SPIDR: variants seen among roughly 807,000 people sequenced by gnomAD.
The protein encoded by SPIDR is DNA repair-scaffolding protein.
Under a neutral mutation model 104.6 loss-of-function variants are expected in SPIDR, and 93 were observed. That is an observed-to-expected ratio of 0.89 (90% CI 0.75 to 1.06). SPIDR has a LOEUF of 1.06. SPIDR is among the 50% of genes least tolerant of loss of function. The pLI is 0.00. For synonymous variants in SPIDR, 431 were observed against 416.9 expected, an observed-to-expected ratio of 1.03 and a Z score of -0.41; for missense variants, 1,154 against 1,111.2, an observed-to-expected ratio of 1.04 and a Z score of -0.55.
chr8:47,260,908 TGG>T (rs1204937260), upstream of SPIDR: 5 of 1,210,534 alleles, frequency 4.1e-6, no homozygotes, highest in African/African-American at 3.2e-5. Flanking sequence ...CGCGCCGAGG[TGG>T]GACGGCGGCG....
At chr8:47,644,980 C>G (rs2070025035) in intron 10 of SPIDR, among the ~76,000 whole-genome samples, 1 of 152,164 alleles carries the variant, frequency 6.6e-6, no homozygotes, top group Admixed American at 6.5e-5. Context: ...GGCCAGTGTA[C>G]CTGGGATGTA....
At chr8:47,351,563 A>G (rs2053513180) in intron 5 of SPIDR, among the ~76,000 whole-genome samples, 1 of 152,238 alleles carries the variant, frequency 6.6e-6, no homozygotes, top group Non-Finnish European at 1.5e-5. Flanking sequence ...AAGTTAAACA[A>G]AATGATGTCT....
chr8:47,383,420 G>A (rs1482347331), intron 5 of SPIDR, among the ~76,000 whole-genome samples: 3 of 152,160 alleles, frequency 2.0e-5, no homozygotes, highest in African/African-American at 7.2e-5. Flanking sequence ...AGTTATTAAA[G>A]TAATGGGCCG....
chr8:47,550,924 T>A (rs1055869227), intron 8 of SPIDR, among the ~76,000 whole-genome samples: 2 of 152,224 alleles, frequency 1.3e-5, no homozygotes, highest in Non-Finnish European at 2.9e-5. Flanking sequence ...ATAGCTCTTA[T>A]TATTTTGAGA....
chr8:47,348,305 G>A (rs2052611332), intron 5 of SPIDR, among the ~76,000 whole-genome samples: 1 of 152,160 alleles, frequency 6.6e-6, no homozygotes, highest in Admixed American at 6.5e-5. Flanking sequence ...CAGAGTGTCT[G>A]CCGAGATATC....
chr8:47,400,234 G>A lies in SPIDR; in HGVS notation c.776+3608G>A, dbSNP rs2061698924. ...GACAACACAGTGCTGTTTAAGGTCA[G>A]GTCACTGTCAGGGAGTCCTCAACAG... is the stretch of plus-strand genomic sequence containing the variant. On this transcript the variant is annotated intron_variant, in intron 6 of 19. Transcript: ENST00000297423. Among the ~76,000 whole-genome samples the A allele has an allele frequency of 2.0e-5, 3 of 152,232 alleles. 1 individual carries two copies. Among genetic ancestry groups the A allele is most frequent in the Admixed American group, 2.0e-4 (3 of 15,290 alleles).
In SPIDR at chr8:47,608,295, A is replaced by G. The variant is rs368791500; in HGVS notation, c.1544+9099A>G. Among the ~76,000 whole-genome samples, 31 of 152,366 alleles carry G rather than the reference A, an allele frequency of 2.0e-4. 1 individual carries two copies. The highest frequency in any genetic ancestry group is 7.5e-4 in the African/African-American group (31 of 41,594). ...AGTACTTCATTCCTTGTTATGGATG[A>G]ATAATAATCCATTTTCTGTGAATAT... is the stretch of plus-strand genomic sequence containing the variant. On this transcript the variant is annotated intron_variant, in intron 10 of 19. Coordinates refer to ENST00000297423, the MANE Select transcript of SPIDR (RefSeq NM_001080394.4).
At chr8:47,649,192 A>G (rs1203869194) in intron 10 of SPIDR, among the ~76,000 whole-genome samples, 1 of 152,022 alleles carries the variant, frequency 6.6e-6, no homozygotes, top group Non-Finnish European at 1.5e-5. Context: ...GTAGTGCACA[A>G]TGATCATTCC....
intron 11 of SPIDR, among the ~76,000 whole-genome samples, chr8:47,685,304 A>G (rs2154477224): frequency 6.6e-6 from 1 of 152,310 alleles, no homozygotes; most frequent in Admixed American, 6.5e-5. Context: ...TTAGTAATTT[A>G]ACTAGTTAAT....
chr8:47,289,875 T>A (rs1001483198), intron 3 of SPIDR, among the ~76,000 whole-genome samples: 61 of 152,250 alleles, frequency 4.0e-4, no homozygotes, highest in African/African-American at 9.6e-4. Flanking sequence ...TTTCAGTAGG[T>A]GAATGATTAA....
intron 5 of SPIDR, among the ~76,000 whole-genome samples, chr8:47,299,791 G>T (rs1471499821): frequency 2.0e-5 from 3 of 152,168 alleles, no homozygotes; most frequent in Non-Finnish European, 4.4e-5. Context: ...TTGCATCCCA[G>T]GGATGAAGCC....
intron 10 of SPIDR, among the ~76,000 whole-genome samples, chr8:47,644,732 C>G (rs2154448781): frequency 6.6e-6 from 1 of 152,270 alleles, no homozygotes; most frequent in East Asian, 1.9e-4. Flanking sequence ...AAAAAGCACT[C>G]CCAATTATTA....
At position 47,701,788 on chromosome 8, in the gene SPIDR, T is replaced by C; in HGVS notation, c.1841T>C (p.Ile614Thr). 2.5e-6 allele frequency: 4 copies of C among 1,614,128 alleles called. No homozygotes were observed. The South Asian group carries it at 3.3e-5, about 13-fold the overall frequency. ...ACAGCTCATCCAAATCTGGGACAAA[T>C]TGATATAATTGACGAAGACCCCATT... is the stretch of plus-strand genomic sequence containing the variant. ...ILTAHPNLGQ[I>T]DIIDEDPIYK... is the part of the protein sequence containing the mutation. Residue 614 changes from isoleucine (I) to threonine (T), a missense_variant, in exon 13 of 20, where the codon ATT (isoleucine) becomes ACT (threonine). Coordinates refer to ENST00000297423, the MANE Select transcript of SPIDR (RefSeq NM_001080394.4).
intron 2 of SPIDR, among the ~76,000 whole-genome samples, chr8:47,283,152 G>A (rs1242574586): frequency 6.6e-6 from 1 of 152,162 alleles, no homozygotes; most frequent in East Asian, 1.9e-4. Flanking sequence ...CACTGTGCTC[G>A]GCCATTTCCA....
chr8:47,703,298 G>C (rs577198445), intron 14 of SPIDR, among the ~76,000 whole-genome samples: 3 of 152,216 alleles, frequency 2.0e-5, no homozygotes, highest in Admixed American at 6.5e-5. Context: ...ATCATTCTTC[G>C]ACAGTGGAAG....
intron 10 of SPIDR, among the ~76,000 whole-genome samples, chr8:47,669,932 G>A (rs774112147): frequency 5.9e-5 from 9 of 152,138 alleles, no homozygotes; most frequent in South Asian, 2.1e-4. Context: ...CCCAGGAGGC[G>A]GAGGTTGCAG....
intron 8 of SPIDR, among the ~76,000 whole-genome samples, chr8:47,556,928 GT>G (rs991984376): frequency 6.6e-6 from 1 of 152,042 alleles, no homozygotes; most frequent in South Asian, 2.1e-4. Context: ...AAATTAAGGT[GT>G]TTTTATGTCC....
intron 7 of SPIDR, among the ~76,000 whole-genome samples, chr8:47,438,485 C>G (rs1489934343): frequency 6.6e-6 from 1 of 152,162 alleles, no homozygotes; most frequent in Non-Finnish European, 1.5e-5. Context: ...CCACATTATC[C>G]TGATTTCTTT....
chr8:47,642,774 T>C (rs540320637), intron 10 of SPIDR, among the ~76,000 whole-genome samples: 1 of 152,110 alleles, frequency 6.6e-6, no homozygotes, highest in South Asian at 2.1e-4. Context: ...CTGGGCATGA[T>C]GGTGCACGCC....
Sources: gnomAD v4.1 joint callset for allele counts (sites outside exome capture counted in the v4.1 genomes callset) on GRCh38, gnomAD v4.1.1 for gene constraint, MANE v1.5 for transcripts, NCBI Gene and HGNC (gene_info 2026-07-23, HGNC 2026-07-21) for gene names.